Variants in PREP observed in about 807,000 individuals in gnomAD.
PREP encodes the protein prolyl endopeptidase, also known as dJ355L5.1 (prolyl endopeptidase).
In PREP, 29 loss-of-function variants were observed where a neutral mutation model predicts 87.6. The ratio of observed to expected loss-of-function variants is 0.33; its 90% CI spans 0.25 to 0.45. The LOEUF (loss-of-function observed/expected upper bound fraction) is 0.45. PREP is among the 20% of genes least tolerant of loss of function. The probability of loss-of-function intolerance (pLI) is 1.00; values close to 1 mark genes in which losing one functional copy is unlikely to be tolerated. For missense variants in PREP, 695 were observed against 886.5 expected, an observed-to-expected ratio of 0.78 and a Z score of 2.74; for synonymous variants, 337 against 328.6, an observed-to-expected ratio of 1.03 and a Z score of -0.28.
At chr6:105,352,605 C>T (rs1319682588) in intron 7 of PREP, among the ~76,000 whole-genome samples, 1 of 152,208 alleles carries the variant, frequency 6.6e-6, no homozygotes, top group Non-Finnish European at 1.5e-5. Flanking sequence ...CCTGCCTCAG[C>T]CTCCTGAGCC....
chr6:105,397,727 G>A (rs1426624399), intron 2 of PREP, 126 bp downstream of exon 2: 1 of 736,118 alleles, frequency 1.4e-6, no homozygotes, highest in Non-Finnish European at 2.4e-6. Context: ...GTAACAACAG[G>A]TATACTCACC....
chr6:105,354,529 T>C (rs1360316303), intron 6 of PREP, among the ~76,000 whole-genome samples: 2 of 152,040 alleles, frequency 1.3e-5, no homozygotes, highest in African/African-American at 4.8e-5. Flanking sequence ...AAGTTTTTTT[T>C]TTTTTTTAAG....
chr6:105,400,471 C>T (rs761660185), intron 1 of PREP, among the ~76,000 whole-genome samples: 17 of 152,166 alleles, frequency 1.1e-4, no homozygotes, highest in Non-Finnish European at 2.2e-4. Context: ...AATTCCACAA[C>T]AATCCAGGCC....
intron 6 of PREP, among the ~76,000 whole-genome samples, chr6:105,355,628 CT>C (rs1772078464): frequency 6.6e-6 from 1 of 152,134 alleles, no homozygotes; most frequent in African/African-American, 2.4e-5. Context: ...CTGTTGATTT[CT>C]GTATTTTATC....
chr6:105,342,642 T>C (rs1771689648), intron 7 of PREP, among the ~76,000 whole-genome samples: 2 of 152,228 alleles, frequency 1.3e-5, no homozygotes, highest in Non-Finnish European at 2.9e-5. Context: ...CCCCACTGTG[T>C]CAGCCCAAAA....
At chr6:105,363,340 A>AC (rs1772300790) in intron 6 of PREP, among the ~76,000 whole-genome samples, 1 of 151,866 alleles carries the variant, frequency 6.6e-6, no homozygotes, top group African/African-American at 2.4e-5. Context: ...TTTCTTTAGG[A>AC]TTTTTTTTCT....
At chr6:105,364,147 G>A (rs567972485) in intron 6 of PREP, among the ~76,000 whole-genome samples, 1 of 152,338 alleles carries the variant, frequency 6.6e-6, no homozygotes, top group Admixed American at 6.5e-5. Flanking sequence ...GAGCTGGGTA[G>A]AGGGCGAAAG....
chr6:105,336,072 A>G (rs1473586486), intron 7 of PREP, among the ~76,000 whole-genome samples: 2 of 152,220 alleles, frequency 1.3e-5, no homozygotes, highest in African/African-American at 2.4e-5. Context: ...AGCTTGGCCA[A>G]CATGGCGAAA....
At chr6:105,311,732 A>G (rs1770764973) in intron 10 of PREP, among the ~76,000 whole-genome samples, 1 of 152,238 alleles carries the variant, frequency 6.6e-6, no homozygotes, top group Admixed American at 6.5e-5. Flanking sequence ...CAATAAAAAC[A>G]AACTGACGGG....
intron 10 of PREP, among the ~76,000 whole-genome samples, chr6:105,299,369 C>A (rs962170446): frequency 3.9e-5 from 6 of 152,172 alleles, no homozygotes; most frequent in African/African-American, 1.4e-4. Flanking sequence ...GAGGCCAAGA[C>A]GGACAGATCA....
intron 10 of PREP, among the ~76,000 whole-genome samples, chr6:105,319,138 A>G (rs561988015): frequency 6.6e-6 from 1 of 152,356 alleles, no homozygotes; most frequent in Admixed American, 6.5e-5. Context: ...AAACCGCCTT[A>G]GGGATGTTAC....
At chr6:105,354,960 C>T (rs913738487) in intron 6 of PREP, among the ~76,000 whole-genome samples, 1 of 151,698 alleles carries the variant, frequency 6.6e-6, no homozygotes, top group Non-Finnish European at 1.5e-5. Context: ...GTAAACAAAT[C>T]AAGAAAAAAT....
intron 10 of PREP, among the ~76,000 whole-genome samples, chr6:105,318,312 C>T (rs1770924542): frequency 6.6e-6 from 1 of 152,104 alleles, no homozygotes; most frequent in South Asian, 2.1e-4. Context: ...CTTTATAAGC[C>T]AGCTGACACA....
chr6:105,373,240 A>T, intron 5 of PREP, 129 bp downstream of exon 5: 1 of 1,018,656 alleles, frequency 9.8e-7, no homozygotes, highest in South Asian at 1.5e-5. Context: ...GCCAACTGAT[A>T]CAACATCCTT....
chr6:105,324,559 CCA>C (rs1353257522), intron 9 of PREP, among the ~76,000 whole-genome samples: 1 of 152,140 alleles, frequency 6.6e-6, no homozygotes, highest in African/African-American at 2.4e-5. Context: ...AATTAGTCAT[CCA>C]CAGAGTGGCT....
At position 105,283,089 on chromosome 6, in the gene PREP, C is replaced by T. The variant is rs1770117491; in HGVS notation, c.1550-507G>A. ...AGGCACGCTTCCCACCCCACCTCTG[C>T]AGGAGTCTGACATGGTCGGTGATGG... On this transcript the variant is annotated intron_variant, in intron 12 of 14. Transcript: ENST00000652536. Among the ~76,000 whole-genome samples, 3 of 152,354 alleles carry T rather than the reference C, an allele frequency of 2.0e-5. 1 individual carries two copies. In the South Asian group the frequency reaches 6.2e-4, roughly 32 times the overall value.
chr6:105,315,899 GAAGA>G (rs1488780541), intron 10 of PREP, among the ~76,000 whole-genome samples: 1 of 152,190 alleles, frequency 6.6e-6, no homozygotes, highest in Non-Finnish European at 1.5e-5. Context: ...TCACAGAACT[GAAGA>G]AAGTTAGGGC....
At position 105,276,781 on chromosome 6, in the gene PREP, G is replaced by C. The variant is rs1040883406; in HGVS notation, c.*1363C>G. On this transcript the variant is annotated 3_prime_UTR_variant, in exon 15 of 15. Transcript: ENST00000652536. ...ATGCTTGGTATGCAGTGATATGCTT[G>C]ATAGAAAATGGTATGTCTAATTTTT... Among the ~76,000 whole-genome samples, 1 of 152,172 alleles carries C rather than the reference G, an allele frequency of 6.6e-6. No homozygotes were observed. The highest frequency in any genetic ancestry group is 2.4e-5 in the African/African-American group (1 of 41,434).
At chr6:105,312,414 TTTTTC>T (rs1770776674) in intron 10 of PREP, among the ~76,000 whole-genome samples, 1 of 152,214 alleles carries the variant, frequency 6.6e-6, no homozygotes, top group Non-Finnish European at 1.5e-5. Context: ...ATGGTTTAAA[TTTTTC>T]TTTTGAGACA....
Sources: allele counts gnomAD v4.1 joint callset (sites outside exome capture counted in the v4.1 genomes callset), GRCh38; gene constraint gnomAD v4.1.1; transcripts MANE v1.5; gene names NCBI Gene and HGNC (gene_info 2026-07-23, HGNC 2026-07-21).